The following TFCP2 variants were observed in gnomAD, a reference collection of about 807,000 sequenced individuals.
TFCP2 encodes the protein transcription factor CP2, also known as alpha-globin transcription factor CP2.
In TFCP2, 33 loss-of-function variants were observed where a neutral mutation model predicts 73.4. The observed-to-expected ratio is 0.45, with a 90% CI of 0.34 to 0.60. The LOEUF is 0.60. Among genes scored for constraint, TFCP2 ranks in the 20% least tolerant of loss-of-function variants. TFCP2 has a pLI of 0.01. For synonymous variants in TFCP2, 193 were observed against 211.6 expected, an observed-to-expected ratio of 0.91 and a Z score of 0.76; for missense variants, 352 against 604.0, an observed-to-expected ratio of 0.58 and a Z score of 4.37.
chr12:51,132,848 A>G (rs1454361228), intron 1 of TFCP2, among the ~76,000 whole-genome samples: 1 of 152,154 alleles, frequency 6.6e-6, no homozygotes, highest in African/African-American at 2.4e-5. Flanking sequence ...GTGTCCCAGC[A>G]GAGCCCAGCA....
chr12:51,163,547 G>A (rs1015922921), intron 1 of TFCP2, among the ~76,000 whole-genome samples: 1 of 151,946 alleles, frequency 6.6e-6, no homozygotes, highest in Non-Finnish European at 1.5e-5. Flanking sequence ...CCAAGATCAC[G>A]CCACTGTACT....
chr12:51,156,739 A>T (rs1404360138), intron 1 of TFCP2: 1 of 152,232 alleles, frequency 6.6e-6, no homozygotes, highest in Non-Finnish European at 1.5e-5. Context: ...CCTATGAGTT[A>T]TGAGACTATT....
intron 4 of TFCP2, among the ~76,000 whole-genome samples, chr12:51,112,182 T>C (rs1940418768): frequency 1.3e-5 from 2 of 152,086 alleles, no homozygotes; most frequent in Non-Finnish European, 2.9e-5. Flanking sequence ...CATTTTTAAA[T>C]TGAGAAATAA....
chr12:51,099,542 G>A (rs1592786956), intron 12 of TFCP2, 113 bp downstream of exon 12: 1 of 1,319,756 alleles, frequency 7.6e-7, no homozygotes, highest in Non-Finnish European at 1.0e-6. Flanking sequence ...AGTGATTATT[G>A]TTACTTCTAG....
intron 1 of TFCP2, 55 bp downstream of exon 1, chr12:51,172,246 T>C: frequency 1.9e-6 from 3 of 1,601,676 alleles, no homozygotes; most frequent in Non-Finnish European, 2.6e-6. Context: ...CTTTTCTTAG[T>C]GTCTATCCGC....
intron 1 of TFCP2, among the ~76,000 whole-genome samples, chr12:51,149,706 T>C (rs1376963582): frequency 6.6e-6 from 1 of 152,146 alleles, no homozygotes; most frequent in Non-Finnish European, 1.5e-5. Context: ...TTCAAGCGAT[T>C]CTCGTGCCAC....
intron 1 of TFCP2, among the ~76,000 whole-genome samples, chr12:51,120,995 G>A (rs1940655145): frequency 6.7e-6 from 1 of 149,266 alleles, no homozygotes; most frequent in Non-Finnish European, 1.5e-5. Flanking sequence ...ATATTATTCT[G>A]TTTACTTTGT....
intron 1 of TFCP2, among the ~76,000 whole-genome samples, chr12:51,158,386 C>T (rs1941581475): frequency 6.6e-6 from 1 of 152,180 alleles, no homozygotes; most frequent in Admixed American, 6.6e-5. Context: ...CAGTACATGA[C>T]TTTACTGAGG....
chr12:51,116,446 G>A (rs776335896), intron 3 of TFCP2, 26 bp from the exon 4 acceptor site: 2 of 1,367,476 alleles, frequency 1.5e-6, no homozygotes, highest in Non-Finnish European at 2.0e-6. Flanking sequence ...AAAATCAGAT[G>A]ATAACAAGAC....
chr12:51,137,793 A>G (rs2640516), intron 1 of TFCP2, among the ~76,000 whole-genome samples: 84,636 of 152,050 alleles, frequency 0.56, 25,254 homozygotes, highest in Non-Finnish European at 0.68. Flanking sequence ...ATAGTATGGC[A>G]TAACTGGGAA....
intron 9 of TFCP2, 160 bp from the exon 10 acceptor site, chr12:51,103,923 T>A: frequency 1.4e-6 from 1 of 700,600 alleles, no homozygotes; most frequent in Non-Finnish European, 2.4e-6. Context: ...AGGAGTTCCA[T>A]CCTTTTCTTC....
chr12:51,097,075 G>A (rs887136923), intron 13 of TFCP2, among the ~76,000 whole-genome samples: 1 of 151,460 alleles, frequency 6.6e-6, no homozygotes, highest in African/African-American at 2.4e-5. Flanking sequence ...GGATTCTCCT[G>A]CCTCAGCCTC....
chr12:51,106,455 G>T, intron 8 of TFCP2, 70 bp downstream of exon 8: 1 of 1,150,012 alleles, frequency 8.7e-7, no homozygotes, highest in Non-Finnish European at 1.3e-6. Flanking sequence ...AAAAGATCTT[G>T]TTTATGAACA....
At chr12:51,113,290 C>G (rs1214446466) in intron 4 of TFCP2, among the ~76,000 whole-genome samples, 1 of 152,050 alleles carries the variant, frequency 6.6e-6, no homozygotes, top group African/African-American at 2.4e-5. Context: ...CTATGTTTAC[C>G]AAAAGGAAAT....
chr12:51,124,615 G>A (rs1188296056), intron 1 of TFCP2: 4 of 530,196 alleles, frequency 7.5e-6, no homozygotes, highest in Non-Finnish European at 7.3e-6. Flanking sequence ...GGACTGCCCC[G>A]CCGGCAGGTA....
chr12:51,111,085 T>C, intron 4 of TFCP2, 102 bp from the exon 5 acceptor site: 4 of 805,958 alleles, frequency 5.0e-6, no homozygotes, highest in Non-Finnish European at 6.3e-6. Flanking sequence ...ACCAAGATTT[T>C]TGTATATCAC....
chr12:51,145,669 C>CTAAGTTA (rs1941284048), intron 1 of TFCP2, among the ~76,000 whole-genome samples: 2 of 151,372 alleles, frequency 1.3e-5, no homozygotes, highest in African/African-American at 4.8e-5. Flanking sequence ...AACTTTAGGC[C>CTAAGTTA]AGGCATGGTG....
chr12:51,102,582 C>T (rs1223799422), intron 10 of TFCP2, among the ~76,000 whole-genome samples: 1 of 151,378 alleles, frequency 6.6e-6, no homozygotes, highest in Non-Finnish European at 1.5e-5. Context: ...AAAAATTAGT[C>T]GGGTGTGGTG....
chr12:51,110,381 T>C (rs1350598817), intron 5 of TFCP2, among the ~76,000 whole-genome samples: 1 of 152,024 alleles, frequency 6.6e-6, no homozygotes. Flanking sequence ...CCAGCCTGGC[T>C]AGCATGGCGA....
Sources: allele counts gnomAD v4.1 joint callset (sites outside exome capture counted in the v4.1 genomes callset), GRCh38; gene constraint gnomAD v4.1.1; transcripts MANE v1.5; gene names NCBI Gene and HGNC (gene_info 2026-07-23, HGNC 2026-07-21).